The following KIF26B variants were observed in gnomAD, a reference collection of about 807,000 sequenced individuals.
KIF26B encodes the protein kinesin family member 26B.
In KIF26B, 63 loss-of-function variants were observed where a neutral mutation model predicts 151.2. The observed-to-expected ratio is 0.42, with a 90% CI of 0.34 to 0.51. KIF26B has a LOEUF of 0.51. Among genes scored for constraint, KIF26B ranks in the 20% least tolerant of loss-of-function variants. The pLI is 0.07. For synonymous variants in KIF26B, 1,357 were observed against 1,262.1 expected (o/e 1.08, Z -1.59); for missense variants, 2,813 against 2,913.6 (o/e 0.97, Z 0.79).
chr1:245,226,788 C>T (rs1472584150), intron 2 of KIF26B, among the ~76,000 whole-genome samples: 2 of 152,042 alleles, frequency 1.3e-5, no homozygotes, highest in Non-Finnish European at 2.9e-5. Context: ...AGTTTGGGAA[C>T]GAAAAGGGTA....
chr1:245,351,337 A>T (rs1247038624), intron 2 of KIF26B, among the ~76,000 whole-genome samples: 1 of 152,214 alleles, frequency 6.6e-6, no homozygotes, highest in African/African-American at 2.4e-5. Flanking sequence ...AGTGCATTGA[A>T]TGAGAAGTGT....
chr1:245,693,462 A>G lies in KIF26B; in HGVS notation c.5825-4644A>G, dbSNP rs937653786. On this transcript the variant is annotated intron_variant, in intron 12 of 14. Coordinates refer to ENST00000407071, the MANE Select transcript of KIF26B (RefSeq NM_018012.4). ...TTGCTTGGTTGGCGGCACAGTCCTG[A>G]AAGTTTACTCATGTTTATTTTCTGT... Among the ~76,000 whole-genome samples the G allele has an allele frequency of 2.0e-5, 3 of 152,280 alleles. No individual in the cohort carries two copies. The East Asian group carries it at 5.8e-4, about 29-fold the overall frequency.
intron 3 of KIF26B, among the ~76,000 whole-genome samples, chr1:245,396,783 GACACAGGGACTA>G (rs1452560314): frequency 6.6e-6 from 1 of 152,148 alleles, no homozygotes; most frequent in Non-Finnish European, 1.5e-5. Flanking sequence ...ATCTGTCCTT[GACACAGGGACTA>G]ACCTTGTCTC....
intron 2 of KIF26B, among the ~76,000 whole-genome samples, chr1:245,240,499 A>G (rs966003823): frequency 6.6e-6 from 1 of 152,216 alleles, no homozygotes; most frequent in Non-Finnish European, 1.5e-5. Flanking sequence ...ATACACATAC[A>G]TGTACAGACA....
At chr1:245,361,856 C>T (rs537646817) in intron 2 of KIF26B, among the ~76,000 whole-genome samples, 22 of 152,042 alleles carry the variant, frequency 1.4e-4, no homozygotes, top group Non-Finnish European at 2.2e-4. Flanking sequence ...CAGAGTGAGC[C>T]GCTTGGGGAC....
At chr1:245,414,616 G>A (rs755812504) in intron 3 of KIF26B, among the ~76,000 whole-genome samples, 1 of 152,220 alleles carries the variant, frequency 6.6e-6, no homozygotes, top group Non-Finnish European at 1.5e-5. Context: ...AACTGAGAAA[G>A]GGAATATGGA....
intron 5 of KIF26B, among the ~76,000 whole-genome samples, chr1:245,561,863 A>C (rs1308004309): frequency 3.3e-5 from 5 of 152,152 alleles, no homozygotes; most frequent in Non-Finnish European, 5.9e-5. Context: ...TCATCAGTCC[A>C]CCTGATTCTC....
intron 4 of KIF26B, among the ~76,000 whole-genome samples, chr1:245,532,830 G>A (rs941891711): frequency 3.9e-5 from 6 of 152,058 alleles, no homozygotes; most frequent in Non-Finnish European, 7.4e-5. Flanking sequence ...TGACCTCCCT[G>A]ACAGCCAATT....
intron 2 of KIF26B, among the ~76,000 whole-genome samples, chr1:245,286,299 C>G (rs1671163704): frequency 6.6e-6 from 1 of 152,006 alleles, no homozygotes; most frequent in Non-Finnish European, 1.5e-5. Context: ...CTTTGGGAGG[C>G]CAGATCCACT....
chr1:245,516,659 C>T lies in KIF26B; in HGVS notation c.1167-24108C>T, dbSNP rs1038468881. 6.6e-6 allele frequency among the ~76,000 whole-genome samples: 1 copy of T among 151,976 alleles called. No individual in the cohort carries two copies. The highest frequency in any genetic ancestry group is 2.4e-5 in the African/African-American group (1 of 41,378). ...GAGATGTGGGGTGAAGTAATGAGCC[C>T]GCAAGGCCTGTCTGTGCCTATTGGC... On this transcript the variant is annotated intron_variant, in intron 4 of 14. Coordinates refer to ENST00000407071, the MANE Select transcript of KIF26B (RefSeq NM_018012.4). This position sits in a 1 kb window ranked among gnomAD's most constrained non-coding sequence, Gnocchi z 4.2.
chr1:245,508,667 G>A (rs1317567697), intron 4 of KIF26B, among the ~76,000 whole-genome samples: 2 of 152,052 alleles, frequency 1.3e-5, no homozygotes, highest in South Asian at 2.1e-4. Flanking sequence ...TGTGGTGGTC[G>A]TTCTCCAGAA....
intron 4 of KIF26B, among the ~76,000 whole-genome samples, chr1:245,524,336 G>A (rs1012224598): frequency 2.6e-5 from 4 of 152,182 alleles, no homozygotes; most frequent in African/African-American, 9.7e-5. Flanking sequence ...AAAGTATGTG[G>A]CAGAGGCAGG....
At chr1:245,158,838 T>TTGTGTG (rs10656316) in intron 2 of KIF26B, among the ~76,000 whole-genome samples, 74 of 149,048 alleles carry the variant, frequency 5.0e-4, no homozygotes, top group African/African-American at 1.6e-3. Flanking sequence ...TGAATAATAA[T>TTGTGTG]TGTGTGTGTG....
chr1:245,176,555 A>C (rs933803212), intron 2 of KIF26B, among the ~76,000 whole-genome samples: 1 of 152,086 alleles, frequency 6.6e-6, no homozygotes, highest in Non-Finnish European at 1.5e-5. Flanking sequence ...AAAGGCCCTG[A>C]TGGGTGTTAT....
At chr1:245,213,834 C>G (rs1421811684) in intron 2 of KIF26B, among the ~76,000 whole-genome samples, 1 of 152,208 alleles carries the variant, frequency 6.6e-6, no homozygotes, top group Non-Finnish European at 1.5e-5. Context: ...AGGATGGAGC[C>G]TGGGGCTACC....
intron 9 of KIF26B, among the ~76,000 whole-genome samples, chr1:245,629,783 G>C (rs1365531442): frequency 1.3e-5 from 2 of 152,178 alleles, no homozygotes; most frequent in African/African-American, 4.8e-5. Context: ...CACAGCAAAA[G>C]AAACTAGCAT....
At chr1:245,643,139 G>A (rs1229905679) in intron 9 of KIF26B, among the ~76,000 whole-genome samples, 1 of 152,162 alleles carries the variant, frequency 6.6e-6, no homozygotes, top group Non-Finnish European at 1.5e-5. Flanking sequence ...CAAGCATATA[G>A]TAGAGCCTCA....
At chr1:245,485,743 T>G (rs756914121) in intron 4 of KIF26B, among the ~76,000 whole-genome samples, 4 of 152,178 alleles carry the variant, frequency 2.6e-5, no homozygotes, top group African/African-American at 4.8e-5. Flanking sequence ...CTTCTGCTTC[T>G]TATAAACTGG....
At chr1:245,412,291 G>A (rs1674305471) in intron 3 of KIF26B, among the ~76,000 whole-genome samples, 1 of 152,214 alleles carries the variant, frequency 6.6e-6, no homozygotes, top group African/African-American at 2.4e-5. Context: ...GATATTAATT[G>A]TGTAAGAGAA....
Sources: gnomAD v4.1 joint callset for allele counts (sites outside exome capture counted in the v4.1 genomes callset) on GRCh38, gnomAD v4.1.1 for gene constraint, Gnocchi (gnomAD v3.1) non-coding constraint, MANE v1.5 for transcripts, NCBI Gene and HGNC (gene_info 2026-07-23, HGNC 2026-07-21) for gene names.